Variants in PAPPA2 observed in about 807,000 individuals in gnomAD.
PAPPA2 encodes pappalysin 2.
Under a neutral mutation model 176.4 loss-of-function variants are expected in PAPPA2, and 86 were observed. That is an observed-to-expected ratio of 0.49 (90% confidence interval 0.41 to 0.58). The LOEUF (loss-of-function observed/expected upper bound fraction) is 0.58. PAPPA2 is among the 20% of genes least tolerant of loss of function. The pLI is 0.00. For synonymous variants in PAPPA2, 809 were observed against 852.2 expected (o/e 0.95, Z 0.88); for missense variants, 2,073 against 2,256.9 (o/e 0.92, Z 1.65).
chr1:176,647,642 T>G (rs575783917), intron 3 of PAPPA2, among the ~76,000 whole-genome samples: 1 of 151,872 alleles, frequency 6.6e-6, no homozygotes, highest in South Asian at 2.1e-4. Context: ...GGTTATCCAG[T>G]TTTCCCAGCA....
At chr1:176,473,884 T>C (rs944867867) in intron 1 of PAPPA2, among the ~76,000 whole-genome samples, 1 of 152,204 alleles carries the variant, frequency 6.6e-6, no homozygotes, top group Admixed American at 6.5e-5. Context: ...TCTCATTGTG[T>C]TTTACCTACT....
chr1:176,547,095 A>G (rs1397450916), intron 1 of PAPPA2, among the ~76,000 whole-genome samples: 1 of 152,228 alleles, frequency 6.6e-6, no homozygotes, highest in Non-Finnish European at 1.5e-5. Flanking sequence ...GCCACCCACT[A>G]TACAATGAAG....
intron 1 of PAPPA2, among the ~76,000 whole-genome samples, chr1:176,524,413 A>G (rs1015775435): frequency 6.6e-6 from 1 of 152,132 alleles, no homozygotes; most frequent in Non-Finnish European, 1.5e-5. Flanking sequence ...ATTTTAATGA[A>G]TTTTTTTCTT....
In PAPPA2 at chr1:176,789,837, G is replaced by A; in HGVS notation, c.4744G>A (p.Gly1582Ser). 6.2e-7 allele frequency: 1 copy of A among 1,614,016 alleles called. No homozygotes were observed. Among genetic ancestry groups the A allele is most frequent in the Non-Finnish European group, 8.5e-7 (1 of 1,179,976 alleles). ...NKLLKIQCLE[G>S]GIWEQGSCIP... ...GCTCCTGAAGATACAATGCCTGGAAGGTGGAATCTGGGAGCAAGGCAGCTG... is the reference window on the plus strand; with the variant it reads ...GCTCCTGAAGATACAATGCCTGGAAAGTGGAATCTGGGAGCAAGGCAGCTG... Residue 1582 changes from glycine to serine, a missense_variant, in exon 18 of 23, where the codon GGT becomes AGT. Gly to Ser is a moderately conservative substitution (Grantham distance 56, BLOSUM62 0). Transcript: ENST00000367662.
rs1653935279 is a variant in PAPPA2 at position 176,595,563 on chromosome 1, C to T, written c.1959C>T (p.Arg653=). 1 of 1,613,606 alleles carries T rather than the reference C, an allele frequency of 6.2e-7. No individual in the cohort carries two copies. The highest frequency in any genetic ancestry group is 8.5e-7 in the Non-Finnish European group (1 of 1,179,832). The change falls in exon 3 of 23, where the codon CGC becomes CGT. Residue 653 remains arginine, a synonymous_variant. Coordinates refer to ENST00000367662, the MANE Select transcript of PAPPA2 (RefSeq NM_020318.3). ...DCCDPQVADV[R]KTCFDPDSPK... ...GCGACCCCCAGGTGGCTGATGTGCG[C>T]AAGACCTGCTTTGACCCTGACTCAC...
intron 2 of PAPPA2, among the ~76,000 whole-genome samples, chr1:176,559,200 A>C (rs927868330): frequency 3.9e-5 from 6 of 152,214 alleles, no homozygotes; most frequent in African/African-American, 1.4e-4. Context: ...GTAAGCATGT[A>C]AAATTGGGCA....
chr1:176,471,872 T>C (rs1338918114), intron 1 of PAPPA2, among the ~76,000 whole-genome samples: 1 of 152,220 alleles, frequency 6.6e-6, no homozygotes, highest in Non-Finnish European at 1.5e-5. Flanking sequence ...CCTGATGAGA[T>C]TCAGCATTTA....
rs150265523 is a variant in PAPPA2, at chr1:176,723,234, G to T, written c.3798+11253G>T. Reference sequence around the variant, plus strand: ...CTCATGACCCAATTGCCTTTGAAAGGCTCTGTCTCTTGCACAGTGCAAGCA... The same window carrying T: ...CTCATGACCCAATTGCCTTTGAAAGTCTCTGTCTCTTGCACAGTGCAAGCA... On this transcript the variant is annotated intron_variant, in intron 12 of 22. Coordinates refer to ENST00000367662, the MANE Select transcript of PAPPA2 (RefSeq NM_020318.3). Among the ~76,000 whole-genome samples the T allele has an allele frequency of 7.5e-4, 114 of 152,238 alleles. 1 individual carries two copies. In the East Asian group the frequency reaches 0.021, roughly 28 times the overall value.
intron 3 of PAPPA2, among the ~76,000 whole-genome samples, chr1:176,636,618 C>T (rs1656714813): frequency 6.6e-6 from 1 of 152,064 alleles, no homozygotes; most frequent in African/African-American, 2.4e-5. Context: ...AGATTGCTCC[C>T]TCACAAATTG....
intron 1 of PAPPA2, among the ~76,000 whole-genome samples, chr1:176,546,939 T>C (rs1336295645): frequency 1.3e-5 from 2 of 152,172 alleles, no homozygotes; most frequent in Non-Finnish European, 2.9e-5. Context: ...CCAAAAATGG[T>C]GTCATTGAAA....
chr1:176,815,099 T>C (rs1417183414), intron 21 of PAPPA2, among the ~76,000 whole-genome samples: 1 of 152,174 alleles, frequency 6.6e-6, no homozygotes, highest in African/African-American at 2.4e-5. Context: ...AGTATATATG[T>C]ATATGCATAC....
At chr1:176,713,932 CTAA>C (rs1661255425) in intron 12 of PAPPA2, among the ~76,000 whole-genome samples, 1 of 152,098 alleles carries the variant, frequency 6.6e-6, no homozygotes, top group African/African-American at 2.4e-5. Flanking sequence ...GGTTTAAGAG[CTAA>C]TAAGTGTCTG....
chr1:176,514,556 CA>C (rs1224295358), intron 1 of PAPPA2, among the ~76,000 whole-genome samples: 2 of 152,234 alleles, frequency 1.3e-5, no homozygotes, highest in Non-Finnish European at 2.9e-5. Context: ...TGACTTAAGT[CA>C]AAACCTCAGT....
rs188882155 is a variant in PAPPA2 at position 176,711,692 on chromosome 1, T to C, written c.3652-143T>C. 37 of 853,636 alleles carry C rather than the reference T, an allele frequency of 4.3e-5. No homozygotes were observed. In the East Asian group the frequency reaches 9.2e-4, roughly 21 times the overall value. 52.9% of individuals were successfully genotyped at this position (853,636 alleles called of 1,614,324 possible). On this transcript the variant is annotated intron_variant, in intron 11 of 22. Transcript: ENST00000367662. Reference sequence around the variant, plus strand: ...GAGAGCACTGAGAAATTCTTCAATGTTGAGAAAAGTTTTCTGCCAATAATG... The same window carrying C: ...GAGAGCACTGAGAAATTCTTCAATGCTGAGAAAAGTTTTCTGCCAATAATG...
intron 14 of PAPPA2, among the ~76,000 whole-genome samples, chr1:176,750,722 A>G (rs1663135001): frequency 6.6e-6 from 1 of 152,226 alleles, no homozygotes; most frequent in Non-Finnish European, 1.5e-5. Context: ...TAAGCTAGAG[A>G]AAGGAAAATC....
intron 14 of PAPPA2, among the ~76,000 whole-genome samples, chr1:176,763,308 T>A (rs1663781214): frequency 6.6e-6 from 1 of 152,200 alleles, no homozygotes; most frequent in Non-Finnish European, 1.5e-5. Context: ...TCTTCCATAC[T>A]AGACTATGTA....
chr1:176,481,237 C>T (rs1047904414), intron 1 of PAPPA2, among the ~76,000 whole-genome samples: 2 of 148,832 alleles, frequency 1.3e-5, no homozygotes, highest in Admixed American at 6.8e-5. Flanking sequence ...TTGATTTAAG[C>T]GCTGAGATTT....
chr1:176,743,594 G>T (rs1017365324), intron 14 of PAPPA2, among the ~76,000 whole-genome samples: 18 of 152,158 alleles, frequency 1.2e-4, no homozygotes, highest in Non-Finnish European at 2.4e-4. Flanking sequence ...TGATGGCTTT[G>T]GGAAGTGGAA....
chr1:176,479,157 G>A (rs912636919), intron 1 of PAPPA2, among the ~76,000 whole-genome samples: 6 of 152,156 alleles, frequency 3.9e-5, no homozygotes, highest in African/African-American at 1.4e-4. Context: ...TTTTGAAGAT[G>A]AGGAAACTAA....
Sources: gnomAD v4.1 joint callset for allele counts (sites outside exome capture counted in the v4.1 genomes callset) on GRCh38, gnomAD v4.1.1 for gene constraint, MANE v1.5 for transcripts, NCBI Gene and HGNC (gene_info 2026-07-23, HGNC 2026-07-21) for gene names.